Variants in CASZ1 observed in about 807,000 individuals in gnomAD.
CASZ1 encodes the protein castor zinc finger 1, also known as zinc finger protein castor homolog 1.
A neutral mutation model predicts 135.2 loss-of-function variants in CASZ1; 28 were observed. The observed-to-expected ratio is 0.21, with a 90% CI of 0.15 to 0.28. CASZ1 has a LOEUF of 0.28. CASZ1 is among the 10% of genes least tolerant of loss of function. The pLI, the probability that CASZ1 is intolerant of heterozygous loss-of-function variation, is 1.00. For synonymous variants in CASZ1, 1,068 were observed against 1,073.4 expected, an observed-to-expected ratio of 0.99 and a Z score of 0.10; for missense variants, 2,161 against 2,453.3, an observed-to-expected ratio of 0.88 and a Z score of 2.52.
In CASZ1 at chr1:10,676,988, T is replaced by C. The variant is rs169538; in HGVS notation, c.17-11417A>G. Among the ~76,000 whole-genome samples, 87,403 of 152,120 alleles carry C rather than the reference T, an allele frequency of 0.57. 25,934 individuals are homozygous for C. The highest frequency in any genetic ancestry group is 0.66 in the African/African-American group (27,569 of 41,522). On this transcript the variant is annotated intron_variant, in intron 4 of 20. Coordinates refer to ENST00000377022, the MANE Select transcript of CASZ1 (RefSeq NM_001079843.3). The surrounding 1 kb of genome is among the most constrained non-coding windows in gnomAD (Gnocchi z 4.5). ...TCAGGGGGTGCAGGGCCCCACAGAC[T>C]TCAGTGCTGCCTGGGCTCTGGCACG...
Position 10,699,608 on chromosome 1 carries a change from G to A in CASZ1, c.-23-5696C>T, listed in dbSNP as rs2100427387. Among the ~76,000 whole-genome samples the A allele has an allele frequency of 6.6e-6, 1 of 152,338 alleles. No individual in the cohort carries two copies. The highest frequency in any genetic ancestry group is 2.1e-4 in the South Asian group (1 of 4,826). On this transcript the variant is annotated intron_variant, in intron 3 of 20. Coordinates refer to ENST00000377022, the MANE Select transcript of CASZ1 (RefSeq NM_001079843.3). The surrounding 1 kb of genome is among the most constrained non-coding windows in gnomAD (Gnocchi z 4.6). ...CAGGCAGCCAGGAGTGCCAGCAGGG[G>A]AGGCACCCGCAAACAAAACAAAAAC...
In CASZ1 at chr1:10,709,419, C is replaced by G. The variant is rs938986144; in HGVS notation, c.-76-3875G>C. Among the ~76,000 whole-genome samples, 5 of 152,212 alleles carry G rather than the reference C, an allele frequency of 3.3e-5. No homozygotes were observed. The highest frequency in any genetic ancestry group is 7.3e-5 in the Non-Finnish European group (5 of 68,044). On this transcript the variant is annotated intron_variant, in intron 2 of 20. Transcript: ENST00000377022. The surrounding 1 kb of genome is among the most constrained non-coding windows in gnomAD (Gnocchi z 5.1). ...GCGGCATAGACAACAGGGGCAGCGT[C>G]ATGGAAACGGGCACTTTCCCGGAGA...
chr1:10,656,733 G>C lies in CASZ1; in HGVS notation c.1413C>G (p.Phe471Leu), dbSNP rs201124226. The C allele has an allele frequency of 1.9e-5, 30 of 1,589,370 alleles. No homozygotes were observed. The Admixed American group carries it at 4.5e-4, about 24-fold the overall frequency. Residue 471 changes from phenylalanine (F) to leucine (L), a missense_variant, in exon 8 of 21, where the codon TTC becomes TTG. Coordinates refer to ENST00000377022, the MANE Select transcript of CASZ1 (RefSeq NM_001079843.3). ...VNIYQKYIAR[F>L]SGSQHCGHIH... ...TGTGGCCACAGTGCTGGCTGCCCGA[G>C]AACCTGGAGGGAGGAGGGGTGGGGT...
Position 10,653,646 on chromosome 1 carries a change from A to G in CASZ1, c.2411T>C (p.Ile804Thr), listed in dbSNP as rs1427376322. Residue 804 changes from isoleucine (I) to threonine (T), a missense_variant, in exon 11 of 21, where the codon ATA becomes ACA. By Grantham distance (89) the Ile-to-Thr change is moderately conservative. Coordinates refer to ENST00000377022, the MANE Select transcript of CASZ1 (RefSeq NM_001079843.3). ...GLPTPTPYFP[I>T]LAGRGSTSLP... ...GGAGGTGCTCCCACGGCCAGCCAGTATGGGGAAGTAGGGCGTGGGGGTGGG... is the reference window on the plus strand; with the variant it reads ...GGAGGTGCTCCCACGGCCAGCCAGTGTGGGGAAGTAGGGCGTGGGGGTGGG... 5 of 1,552,394 alleles carry G rather than the reference A, an allele frequency of 3.2e-6. No homozygotes were observed. In the South Asian group the frequency reaches 6.2e-5, roughly 19 times the overall value.
intron 2 of CASZ1, among the ~76,000 whole-genome samples, chr1:10,751,234 AG>A (rs1214296841): frequency 6.6e-6 from 1 of 152,198 alleles, no homozygotes; most frequent in Non-Finnish European, 1.5e-5. Context: ...CAGTGAGGAC[AG>A]GGTGACAAGG....
chr1:10,648,800 A>G, intron 15 of CASZ1: 1 of 488,300 alleles, frequency 2.0e-6, no homozygotes, highest in Non-Finnish European at 3.7e-6. Flanking sequence ...ACGTGCTGGG[A>G]CTGATGGCTG....
intron 2 of CASZ1, among the ~76,000 whole-genome samples, chr1:10,714,547 C>A (rs1389616940): frequency 2.0e-5 from 3 of 152,134 alleles, no homozygotes; most frequent in East Asian, 3.9e-4. Context: ...CTGACGGGCA[C>A]CCCCCGCCAC....
In CASZ1 at chr1:10,694,584, C is replaced by CCG. The variant is rs1638874051; in HGVS notation, c.-23-673_-23-672insCG. The CCG allele has an allele frequency of 1.1e-3, 149 of 137,442 alleles. 1 individual carries two copies. Among genetic ancestry groups the CCG allele is most frequent in the Non-Finnish European group, 1.6e-3 (99 of 63,548 alleles). 8.5% of individuals were successfully genotyped at this position (137,442 alleles called of 1,614,324 possible). A position where few individuals can be genotyped will look rare whatever the true frequency, so the allele number is the denominator to read the frequency against. On this transcript the variant is annotated intron_variant, in intron 3 of 20. Coordinates refer to ENST00000377022, the MANE Select transcript of CASZ1 (RefSeq NM_001079843.3). This position sits in a 1 kb window ranked among gnomAD's most constrained non-coding sequence, Gnocchi z 6.6. ...GGCAGGTGAAAGAGCAGAGCGCGGC[C>CCG]CCGCCGCCGCCGCCGCCGCCGCCGC...
Position 10,721,037 on chromosome 1 carries a change from G to A in CASZ1, c.-76-15493C>T, listed in dbSNP as rs1175809750. ...CAGAGGGCCCTCATCCTGCCTCCTC[G>A]CCCGTAACTCTGGTGGGGGTCCCTT... On this transcript the variant is annotated intron_variant, in intron 2 of 20. Transcript: ENST00000377022. This position sits in a 1 kb window ranked among gnomAD's most constrained non-coding sequence, Gnocchi z 5.4. Among the ~76,000 whole-genome samples the A allele has an allele frequency of 1.3e-5, 2 of 152,170 alleles. No individual in the cohort carries two copies. Among genetic ancestry groups the A allele is most frequent in the Admixed American group, 6.5e-5 (1 of 15,276 alleles).
chr1:10,674,863 C>T (rs1259381916), intron 4 of CASZ1, among the ~76,000 whole-genome samples: 1 of 152,236 alleles, frequency 6.6e-6, no homozygotes, highest in Non-Finnish European at 1.5e-5. Context: ...CATCCAGGCC[C>T]AGTCTGGAGC....
intron 1 of CASZ1, among the ~76,000 whole-genome samples, chr1:10,765,976 A>T (rs1032004770): frequency 6.6e-6 from 1 of 152,230 alleles, no homozygotes; most frequent in Admixed American, 6.5e-5. Context: ...AGTTATACAA[A>T]AAAGGGCGTG....
At chr1:10,648,869 AG>A (rs1177971704) in intron 15 of CASZ1, 200 bp downstream of exon 15, 1 of 654,222 alleles carries the variant, frequency 1.5e-6, no homozygotes, top group African/African-American at 1.8e-5. Flanking sequence ...GGGCCTGGAC[AG>A]GGGCTCAGAG....
intron 20 of CASZ1, among the ~76,000 whole-genome samples, chr1:10,640,306 G>A (rs909806312): frequency 2.6e-5 from 4 of 152,214 alleles, no homozygotes; most frequent in Non-Finnish European, 5.9e-5. Context: ...TCCCCCGGGG[G>A]GTGGCAGCCC....
At chr1:10,660,589 G>A (rs1041829526) in intron 5 of CASZ1, 53 bp from the exon 6 acceptor site, 1 of 1,515,442 alleles carries the variant, frequency 6.6e-7, no homozygotes, top group Non-Finnish European at 9.0e-7. Flanking sequence ...GGAGGGACAG[G>A]AGGTCCCCCC....
intron 4 of CASZ1, among the ~76,000 whole-genome samples, chr1:10,680,162 G>T (rs2100355089): frequency 6.6e-6 from 1 of 152,154 alleles, no homozygotes; most frequent in East Asian, 1.9e-4. Flanking sequence ...TGACCTCTGG[G>T]CAAAGGCTGA....
At chr1:10,687,883 C>T (rs1276711273) in intron 4 of CASZ1, among the ~76,000 whole-genome samples, 2 of 152,228 alleles carry the variant, frequency 1.3e-5, no homozygotes, top group African/African-American at 4.8e-5. Flanking sequence ...AAATCCCAGC[C>T]TCGCTCCTTC....
chr1:10,785,212 C>T (rs1447725682), intron 1 of CASZ1, among the ~76,000 whole-genome samples: 2 of 99,188 alleles, frequency 2.0e-5, no homozygotes, highest in East Asian at 2.8e-4. Flanking sequence ...TTCTCTTTTC[C>T]TTATCCTTAT....
rs1466128709 is a variant in CASZ1 at position 10,774,641 on chromosome 1, A to G, written c.-233-13784T>C. Among the ~76,000 whole-genome samples, 1 of 152,038 alleles carries G rather than the reference A, an allele frequency of 6.6e-6. No homozygotes were observed. The highest frequency in any genetic ancestry group is 1.5e-5 in the Non-Finnish European group (1 of 68,006). ...AACAACCACACAGAGCTCTGGCCCC[A>G]CTGCTGGAGACTGGCCTGACTCTTG... On this transcript the variant is annotated intron_variant, in intron 1 of 20. Transcript: ENST00000377022. This position sits in a 1 kb window ranked among gnomAD's most constrained non-coding sequence, Gnocchi z 4.4.
chr1:10,689,238 T>G (rs1638689822), intron 4 of CASZ1, among the ~76,000 whole-genome samples: 1 of 152,332 alleles, frequency 6.6e-6, no homozygotes, highest in Middle Eastern at 3.4e-3. Context: ...CAAGAGCCTT[T>G]CCAAGCCCCA....
Sources: gnomAD v4.1 joint callset for allele counts (sites outside exome capture counted in the v4.1 genomes callset) on GRCh38, gnomAD v4.1.1 for gene constraint, Gnocchi (gnomAD v3.1) non-coding constraint, MANE v1.5 for transcripts, NCBI Gene and HGNC (gene_info 2026-07-23, HGNC 2026-07-21) for gene names.